GRID2: variants seen among roughly 807,000 people sequenced by gnomAD.
GRID2 encodes the protein glutamate receptor ionotropic, delta-2.
Under a neutral mutation model 114.8 loss-of-function variants are expected in GRID2, and 33 were observed. The ratio of observed to expected loss-of-function variants is 0.29; its 90% CI spans 0.22 to 0.38. The LOEUF (loss-of-function observed/expected upper bound fraction) is 0.38, where lower values mean the gene tolerates loss of function less well. GRID2 is among the 10% of genes least tolerant of loss of function. The probability of loss-of-function intolerance (pLI) is 1.00; values close to 1 mark genes in which losing one functional copy is unlikely to be tolerated. For missense variants in GRID2, 1,184 were observed against 1,257.7 expected (o/e 0.94, Z 0.89); for synonymous variants, 505 against 449.9 (o/e 1.12, Z -1.55).
chr4:92,943,411 C>G (rs989318076), intron 2 of GRID2, among the ~76,000 whole-genome samples: 3 of 152,160 alleles, frequency 2.0e-5, no homozygotes, highest in Non-Finnish European at 1.5e-5. Flanking sequence ...AGTTCTCATG[C>G]CATGGTTTTC....
At chr4:92,620,398 G>A (rs1264926321) in intron 2 of GRID2, among the ~76,000 whole-genome samples, 1 of 151,688 alleles carries the variant, frequency 6.6e-6, no homozygotes, top group Non-Finnish European at 1.5e-5. Flanking sequence ...AGGGAAAAAA[G>A]TAAGCTACTA....
chr4:93,611,410 G>T (rs1459038703), intron 13 of GRID2, among the ~76,000 whole-genome samples: 4 of 98,152 alleles, frequency 4.1e-5, no homozygotes, highest in East Asian at 5.6e-4. Flanking sequence ...TGATGTTAGG[G>T]TGTCAATTTT....
intron 8 of GRID2, among the ~76,000 whole-genome samples, chr4:93,238,959 A>T (rs184742205): frequency 1.3e-5 from 2 of 151,322 alleles, no homozygotes; most frequent in Non-Finnish European, 3.0e-5. Flanking sequence ...AATAGTTTGC[A>T]GAAAATGAAC....
chr4:92,935,233 C>T (rs1485698039), intron 2 of GRID2, among the ~76,000 whole-genome samples: 1 of 146,900 alleles, frequency 6.8e-6, no homozygotes, highest in Non-Finnish European at 1.5e-5. Flanking sequence ...AGGACATGAA[C>T]AGACACTTCT....
chr4:93,585,798 G>T (rs1047462439), intron 13 of GRID2, among the ~76,000 whole-genome samples: 1 of 151,934 alleles, frequency 6.6e-6, no homozygotes, highest in Non-Finnish European at 1.5e-5. Context: ...CAAAAAAAAT[G>T]AAATCTATGC....
At chr4:93,127,996 G>C (rs1179667637) in intron 4 of GRID2, among the ~76,000 whole-genome samples, 1 of 131,822 alleles carries the variant, frequency 7.6e-6, no homozygotes, top group African/African-American at 3.0e-5. Flanking sequence ...ACTCCAGCTT[G>C]GGCAGCAGAG....
chr4:92,794,786 T>C (rs1048429657), intron 2 of GRID2, among the ~76,000 whole-genome samples: 7 of 150,218 alleles, frequency 4.7e-5, no homozygotes, highest in Non-Finnish European at 8.9e-5. Context: ...ATGTATAAAT[T>C]TTGACTACAC....
chr4:93,020,903 GCAC>G (rs1723216504), intron 2 of GRID2, among the ~76,000 whole-genome samples: 1 of 151,852 alleles, frequency 6.6e-6, no homozygotes, highest in Non-Finnish European at 1.5e-5. Flanking sequence ...ATGGTGGCGG[GCAC>G]CTGTAATCCC....
chr4:92,668,520 C>A lies in GRID2; in HGVS notation c.244+78234C>A, dbSNP rs180811691. 5.3e-3 allele frequency among the ~76,000 whole-genome samples: 811 copies of A among 151,654 alleles called. 2 individuals carry two copies. The highest frequency in any genetic ancestry group is 0.019 in the South Asian group (93 of 4,812). The stretch of plus-strand genomic sequence containing the variant: ...TTAATGCTTCATTTAAAACCCATAC[C>A]CTTACCTTAAATTTTAGTGGAATCC... On this transcript the variant is annotated intron_variant, in intron 2 of 15. Transcript: ENST00000282020.
rs553964683 is a variant in GRID2 at position 93,103,917 on chromosome 4, T to A, written c.530-6831T>A. On this transcript the variant is annotated intron_variant, in intron 3 of 15. Coordinates refer to ENST00000282020, the MANE Select transcript of GRID2 (RefSeq NM_001510.4). ...GGGATTGAGCAAAAATCTTCATTTT[T>A]TTTTTTTTTTAAGTTTCAGCTTTTA... 1.9e-3 allele frequency among the ~76,000 whole-genome samples: 295 copies of A among 152,096 alleles called. 3 individuals are homozygous for A. Among genetic ancestry groups the A allele is most frequent in the African/African-American group, 7.0e-3 (290 of 41,492 alleles).
At chr4:93,360,452 A>G (rs1384280893) in intron 8 of GRID2, among the ~76,000 whole-genome samples, 3 of 151,982 alleles carry the variant, frequency 2.0e-5, no homozygotes, top group Non-Finnish European at 4.4e-5. Flanking sequence ...CATAGGTCTG[A>G]TATGTAGTGT....
At chr4:92,542,486 G>A (rs769298803) in intron 1 of GRID2, among the ~76,000 whole-genome samples, 5 of 152,106 alleles carry the variant, frequency 3.3e-5, no homozygotes, top group Non-Finnish European at 5.9e-5. Context: ...TTGCAGCAAC[G>A]TGGATGGAGT....
At chr4:92,603,769 T>C (rs1729331159) in intron 2 of GRID2, among the ~76,000 whole-genome samples, 1 of 151,610 alleles carries the variant, frequency 6.6e-6, no homozygotes, top group Non-Finnish European at 1.5e-5. Flanking sequence ...TGGGAGAAAA[T>C]TTTCACAATC....
chr4:93,699,655 T>C (rs1727337788), intron 14 of GRID2, among the ~76,000 whole-genome samples: 1 of 152,062 alleles, frequency 6.6e-6, no homozygotes, highest in South Asian at 2.1e-4. Flanking sequence ...CTGTCTTCAG[T>C]TGTGTGAGAT....
chr4:93,181,587 T>C (rs1739904246), intron 4 of GRID2, among the ~76,000 whole-genome samples: 2 of 152,206 alleles, frequency 1.3e-5, no homozygotes, highest in South Asian at 4.1e-4. Flanking sequence ...GTAGCCACCA[T>C]CGTCAATGAT....
chr4:93,039,161 C>T (rs746787846), intron 2 of GRID2, among the ~76,000 whole-genome samples: 1 of 152,138 alleles, frequency 6.6e-6, no homozygotes, highest in Non-Finnish European at 1.5e-5. Context: ...AGTTCATGTC[C>T]TTTGCAGGAA....
At chr4:93,209,142 T>C (rs1330405640) in intron 5 of GRID2, among the ~76,000 whole-genome samples, 1 of 152,010 alleles carries the variant, frequency 6.6e-6, no homozygotes, top group East Asian at 1.9e-4. Flanking sequence ...AGCAAGTTTG[T>C]ATGTAGGTAA....
chr4:93,334,000 G>A (rs1008787557), intron 8 of GRID2, among the ~76,000 whole-genome samples: 3 of 152,144 alleles, frequency 2.0e-5, no homozygotes, highest in Admixed American at 1.3e-4. Context: ...AATAGATGCA[G>A]TTCCCTTGTT....
intron 1 of GRID2, among the ~76,000 whole-genome samples, chr4:92,569,864 T>C (rs1275394625): frequency 1.3e-5 from 2 of 152,126 alleles, no homozygotes; most frequent in Non-Finnish European, 2.9e-5. Context: ...TATTAGACCT[T>C]TGTCAAATGG....
Sources: gnomAD v4.1 joint callset for allele counts (sites outside exome capture counted in the v4.1 genomes callset) on GRCh38, gnomAD v4.1.1 for gene constraint, MANE v1.5 for transcripts, NCBI Gene and HGNC (gene_info 2026-07-23, HGNC 2026-07-21) for gene names.